BARX2: variants seen among roughly 807,000 people sequenced by gnomAD.
BARX2 encodes homeobox protein BarH-like 2.
A neutral mutation model predicts 25.5 loss-of-function variants in BARX2; 11 were observed. The ratio of observed to expected loss-of-function variants is 0.43; its 90% CI spans 0.27 to 0.71. The LOEUF is 0.71. BARX2 is among the 30% of genes least tolerant of loss of function. The pLI is 0.19. For missense variants in BARX2, 360 were observed against 359.9 expected (o/e 1.00, Z 0.00); for synonymous variants, 137 against 149.5 (o/e 0.92, Z 0.61).
chr11:129,404,962 TA>T (rs533863771), intron 1 of BARX2, among the ~76,000 whole-genome samples: 19 of 152,214 alleles, frequency 1.2e-4, no homozygotes, highest in Non-Finnish European at 2.6e-4. Context: ...AACAGCTGCA[TA>T]AACAATGCAA....
At chr11:129,431,520 GT>G (rs1251128205) in intron 1 of BARX2, among the ~76,000 whole-genome samples, 1 of 152,160 alleles carries the variant, frequency 6.6e-6, no homozygotes, top group African/African-American at 2.4e-5. Flanking sequence ...CCTCTCTGTG[GT>G]TTTTAATTTG....
At chr11:129,429,669 T>C (rs1862107638) in intron 1 of BARX2, among the ~76,000 whole-genome samples, 1 of 152,212 alleles carries the variant, frequency 6.6e-6, no homozygotes, top group Non-Finnish European at 1.5e-5. Context: ...GGAGTGATCC[T>C]ATAATAGGAT....
intron 1 of BARX2, among the ~76,000 whole-genome samples, chr11:129,405,565 A>G (rs1724704716): frequency 6.6e-6 from 1 of 152,178 alleles, no homozygotes; most frequent in African/African-American, 2.4e-5. Context: ...TGGCAGTTCC[A>G]TAACTGACAA....
chr11:129,416,875 GTT>G (rs66479529), intron 1 of BARX2, among the ~76,000 whole-genome samples: 3,851 of 133,002 alleles, frequency 0.029, 190 homozygotes, highest in African/African-American at 0.099. Context: ...CAGTGTCTTT[GTT>G]TTTTTTTTTT....
rs141011753 is a variant in BARX2 at position 129,437,252 on chromosome 11, C to A, written c.488+201C>A. ...TCCACCACACGGTCCCTGGAGCCTG[C>A]CTGCGGCTAAACTTAACTCACCACT... is the stretch of plus-strand genomic sequence containing the variant. On this transcript the variant is annotated intron_variant, in intron 2 of 3. Coordinates refer to ENST00000281437, the MANE Select transcript of BARX2 (RefSeq NM_003658.5). 104 of 613,394 alleles carry A rather than the reference C, an allele frequency of 1.7e-4. No homozygotes were observed. The African/African-American group carries it at 1.7e-3, about 10-fold the overall frequency. 38.0% of individuals were successfully genotyped at this position (613,394 alleles called of 1,614,324 possible).
chr11:129,421,884 A>G (rs1862007926), intron 1 of BARX2, among the ~76,000 whole-genome samples: 1 of 151,802 alleles, frequency 6.6e-6, no homozygotes, highest in African/African-American at 2.4e-5. Context: ...GCAAATTTGT[A>G]TACTTTTATA....
At chr11:129,404,243 A>C (rs1861806863) in intron 1 of BARX2, among the ~76,000 whole-genome samples, 1 of 152,212 alleles carries the variant, frequency 6.6e-6, no homozygotes. Context: ...GTCAGCTTGG[A>C]GAGGGCAGCG....
chr11:129,384,334 A>C (rs557333320), intron 1 of BARX2, among the ~76,000 whole-genome samples: 1 of 151,884 alleles, frequency 6.6e-6, no homozygotes, highest in Non-Finnish European at 1.5e-5. Flanking sequence ...GGAGAAATGG[A>C]GTGGTCTTGG....
chr11:129,421,058 C>T (rs1378365543), intron 1 of BARX2, among the ~76,000 whole-genome samples: 2 of 152,160 alleles, frequency 1.3e-5, no homozygotes, highest in African/African-American at 2.4e-5. Context: ...CCTTCATAGA[C>T]AGGATTTGGC....
intron 3 of BARX2, among the ~76,000 whole-genome samples, chr11:129,445,717 A>C (rs1862318562): frequency 6.6e-6 from 1 of 152,198 alleles, no homozygotes; most frequent in Admixed American, 6.5e-5. Context: ...ATAAAAAGGT[A>C]CTCAGTCAAG....
chr11:129,408,020 CAAAAAAAAAAAAAAA>C (rs59310534), intron 1 of BARX2, among the ~76,000 whole-genome samples: 3 of 46,490 alleles, frequency 6.5e-5, no homozygotes, highest in Non-Finnish European at 1.2e-4. Context: ...GACTCCGTCT[CAAAAAAAAAAAAAAA>C]AAAAAAAAAA....
chr11:129,450,006 T>C (rs964289750), intron 3 of BARX2, among the ~76,000 whole-genome samples: 18 of 152,302 alleles, frequency 1.2e-4, no homozygotes, highest in African/African-American at 4.3e-4. Flanking sequence ...TCAGGTGCCG[T>C]TCTGGTCCTT....
At chr11:129,408,289 T>C (rs906605055) in intron 1 of BARX2, among the ~76,000 whole-genome samples, 1 of 152,220 alleles carries the variant, frequency 6.6e-6, no homozygotes, top group African/African-American at 2.4e-5. Flanking sequence ...GATGATGTCA[T>C]GCAATACATT....
chr11:129,444,644 G>A (rs947259473), intron 3 of BARX2, among the ~76,000 whole-genome samples: 5 of 152,256 alleles, frequency 3.3e-5, no homozygotes, highest in Admixed American at 1.3e-4. Flanking sequence ...TGGTTGTTAC[G>A]GATTTATAAG....
intron 1 of BARX2, among the ~76,000 whole-genome samples, chr11:129,391,205 A>G (rs1447139044): frequency 6.6e-6 from 1 of 152,200 alleles, no homozygotes; most frequent in Non-Finnish European, 1.5e-5. Flanking sequence ...GAATTGTTCT[A>G]CTACCACAAG....
At chr11:129,427,777 G>T (rs1230189488) in intron 1 of BARX2, among the ~76,000 whole-genome samples, 1 of 152,194 alleles carries the variant, frequency 6.6e-6, no homozygotes, top group Admixed American at 6.5e-5. Context: ...CATGAAGGAG[G>T]ACTTAGATGG....
At chr11:129,375,659 A>C (rs1410851403), upstream of BARX2, among the ~76,000 whole-genome samples, 1 of 151,556 alleles carries the variant, frequency 6.6e-6, no homozygotes, top group East Asian at 2.0e-4. This position sits in a 1 kb window ranked among gnomAD's most constrained non-coding sequence, Gnocchi z 4.0. Context: ...GCGAGACACC[A>C]GAGCGGGAGG....
chr11:129,413,459 T>C (rs144188253), intron 1 of BARX2, among the ~76,000 whole-genome samples: 2 of 152,162 alleles, frequency 1.3e-5, no homozygotes, highest in East Asian at 3.9e-4. Context: ...AGATATTTGG[T>C]TGGAAAGGTG....
Position 129,376,242 on chromosome 11 carries a change from G to A in BARX2, c.187+20G>A, listed in dbSNP as rs770043477. On this transcript the variant is annotated intron_variant, in intron 1 of 3. Transcript: ENST00000281437. The surrounding 1 kb of genome is among the most constrained non-coding windows in gnomAD (Gnocchi z 4.2). ...GTACGGGTAAGACGCTCCGCTAGGG[G>A]ATAAGTGGGGTTCGGTAGCTTTCAC... 2.8e-5 allele frequency: 44 copies of A among 1,582,168 alleles called. No individual in the cohort carries two copies. The African/African-American group carries it at 5.5e-4, about 20-fold the overall frequency.
Sources: allele counts gnomAD v4.1 joint callset (sites outside exome capture counted in the v4.1 genomes callset), GRCh38; gene constraint gnomAD v4.1.1; non-coding constraint Gnocchi (gnomAD v3.1); transcripts MANE v1.5; gene names NCBI Gene and HGNC (gene_info 2026-07-23, HGNC 2026-07-21).